Variants in CES1 observed in about 807,000 individuals in gnomAD.
The protein encoded by CES1 is carboxylesterase 1.
CES1 carries 50 observed loss-of-function variants against 53.0 expected under a neutral mutation model. That is an observed-to-expected ratio of 0.94 (90% CI 0.75 to 1.19). The LOEUF is 1.19. CES1 is among the 50% of genes most tolerant of loss of function. CES1 has a pLI of 0.00. For synonymous variants in CES1, 202 were observed against 210.1 expected (o/e 0.96, Z 0.33); for missense variants, 534 against 538.0 (o/e 0.99, Z 0.07).
rs145954736 is a variant in CES1 at position 55,824,932 on chromosome 16, T to C, written c.405+1219A>G. On this transcript the variant is annotated intron_variant, in intron 3 of 13. Transcript: ENST00000360526. Reference sequence around the variant, plus strand: ...TCCTGACTCCAGGTTCCCAGAGCCCTTGTTTCTCCCACAACTCTAATCCCT... The same window carrying C: ...TCCTGACTCCAGGTTCCCAGAGCCCCTGTTTCTCCCACAACTCTAATCCCT... Among the ~76,000 whole-genome samples, 386 of 152,324 alleles carry C rather than the reference T, an allele frequency of 2.5e-3. 1 individual carries two copies. Among genetic ancestry groups the C allele is most frequent in the African/African-American group, 9.0e-3 (372 of 41,562 alleles).
intron 2 of CES1, chr16:55,828,146 C>T (rs2032489836): frequency 5.9e-6 from 1 of 169,336 alleles, no homozygotes; most frequent in Non-Finnish European, 1.3e-5. Flanking sequence ...CTGTAGGGTC[C>T]TTCCTACCCT....
chr16:55,830,322 T>C (rs2032586875), intron 1 of CES1, among the ~76,000 whole-genome samples: 1 of 152,240 alleles, frequency 6.6e-6, no homozygotes, highest in South Asian at 2.1e-4. Context: ...CTTGGAAGCA[T>C]GTTTATCGAC....
At chr16:55,826,456 G>T (rs1303590223) in intron 2 of CES1, among the ~76,000 whole-genome samples, 161 bp from the exon 3 acceptor site, 1 of 152,164 alleles carries the variant, frequency 6.6e-6, no homozygotes, top group African/African-American at 2.4e-5. Flanking sequence ...GGCTTCAGGT[G>T]GGGGCGCTGG....
chr16:55,810,399 T>A lies in CES1; in HGVS notation c.1318+118A>T. On this transcript the variant is annotated intron_variant, in intron 11 of 13. Transcript: ENST00000360526. Reference sequence around the variant, plus strand: ...GCACCTCATCCCATGCCATATGGAATCAGCCTTTGAGGCCTGACCCTCAGC... The same window carrying A: ...GCACCTCATCCCATGCCATATGGAAACAGCCTTTGAGGCCTGACCCTCAGC... 3.0e-6 allele frequency: 4 copies of A among 1,329,434 alleles called. No individual in the cohort carries two copies. The South Asian group carries it at 4.7e-5, about 16-fold the overall frequency. The allele number at this position is 1,329,434 out of a possible 1,614,324, so 82.4% of individuals were successfully genotyped here.
intron 5 of CES1, 21 bp downstream of exon 5, chr16:55,821,347 C>A: frequency 6.2e-7 from 1 of 1,614,134 alleles, no homozygotes; most frequent in South Asian, 1.1e-5. Flanking sequence ...TGGGGTTGGG[C>A]CTGGTGACAG....
chr16:55,821,059 T>G (rs1833249), intron 5 of CES1, among the ~76,000 whole-genome samples: 115,038 of 150,868 alleles, frequency 0.76, 44,389 homozygotes, highest in Non-Finnish European at 0.82. Context: ...AAAATGAGTG[T>G]GAAGGAGAGA....
At chr16:55,831,495 G>A (rs1161411355) in intron 1 of CES1, among the ~76,000 whole-genome samples, 5 of 150,766 alleles carry the variant, frequency 3.3e-5, no homozygotes, top group Non-Finnish European at 7.4e-5. Flanking sequence ...AACATGGTGG[G>A]CACCTACTAT....
At chr16:55,831,850 A>T (rs1259718978) in intron 1 of CES1, among the ~76,000 whole-genome samples, 1 of 149,958 alleles carries the variant, frequency 6.7e-6, no homozygotes, top group Non-Finnish European at 1.5e-5. Context: ...GGGCAAGTAC[A>T]TTTCCCTGTG....
chr16:55,819,701 G>A, intron 6 of CES1, 62 bp from the exon 7 acceptor site: 2 of 1,395,428 alleles, frequency 1.4e-6, no homozygotes, highest in Admixed American at 1.7e-5. Flanking sequence ...CATCAAAGAG[G>A]AAAGTGGCAT....
chr16:55,821,200 A>T (rs2032174078), intron 5 of CES1, among the ~76,000 whole-genome samples, 168 bp downstream of exon 5: 1 of 151,580 alleles, frequency 6.6e-6, no homozygotes, highest in African/African-American at 2.4e-5. Context: ...GGGGCCAAGG[A>T]GAGCTGGTCT....
rs780109951 is a variant in CES1, at chr16:55,810,937, T to A, written c.1160A>T (p.Tyr387Phe). ...TTCCTAGACTCTTACAACAAGGGGA[T>A]AGGACTTCCACAGGAGTGACATGGC... Reference protein sequence around the residue: ...KTAMSLLWKSYPLVCIAKELI... With the variant: ...KTAMSLLWKSFPLVCIAKELI... Residue 387 changes from tyrosine (Y) to phenylalanine (F), a missense_variant, in exon 10 of 14, where the codon TAT becomes TTT. Physicochemically the swap from Tyr to Phe is conservative, Grantham distance 22. Coordinates refer to ENST00000360526, the MANE Select transcript of CES1 (RefSeq NM_001025195.2). 1.2e-6 allele frequency: 2 copies of A among 1,613,340 alleles called. No individual in the cohort carries two copies. The highest frequency in any genetic ancestry group is 2.7e-5 in the African/African-American group (2 of 74,738).
intron 5 of CES1, among the ~76,000 whole-genome samples, chr16:55,820,713 T>C (rs1409720999): frequency 1.3e-5 from 2 of 151,828 alleles, no homozygotes; most frequent in South Asian, 4.2e-4. Context: ...CAATCCCCAA[T>C]CCCAGCAGGA....
chr16:55,811,608 C>T (rs1333359084), intron 9 of CES1, among the ~76,000 whole-genome samples: 1 of 152,192 alleles, frequency 6.6e-6, no homozygotes, highest in Non-Finnish European at 1.5e-5. Context: ...TAGAATGACC[C>T]CAGTATCCTT....
At position 55,816,137 on chromosome 16, in the gene CES1, C is replaced by A. The variant is rs544119691; in HGVS notation, c.945+787G>T. ...ATCCTGCTACTTAAATTGAAGCCAC[C>A]CACAAACTCTATCCCCTAATGCTGC... On this transcript the variant is annotated intron_variant, in intron 8 of 13. Coordinates refer to ENST00000360526, the MANE Select transcript of CES1 (RefSeq NM_001025195.2). 3.9e-4 allele frequency among the ~76,000 whole-genome samples: 59 copies of A among 152,398 alleles called. No individual in the cohort carries two copies. The South Asian group carries it at 7.3e-3, about 19-fold the overall frequency.
chr16:55,825,047 G>A (rs114185121), intron 3 of CES1, among the ~76,000 whole-genome samples: 4 of 152,196 alleles, frequency 2.6e-5, no homozygotes, highest in Admixed American at 2.6e-4. Context: ...GCTGAAGGGA[G>A]GATATGTCTC....
chr16:55,817,228 C>T (rs1193299411), intron 7 of CES1, among the ~76,000 whole-genome samples: 1 of 152,136 alleles, frequency 6.6e-6, no homozygotes, highest in Non-Finnish European at 1.5e-5. Context: ...GGACATAAGT[C>T]TAGAGTGCTG....
intron 3 of CES1, among the ~76,000 whole-genome samples, chr16:55,824,141 G>GA (rs2068111298): frequency 1.3e-5 from 2 of 151,976 alleles, no homozygotes; most frequent in South Asian, 4.1e-4. Context: ...ATTGTCTCGA[G>GA]AAGCACACGT....
Position 55,813,018 on chromosome 16 carries a change from A to G in CES1, c.971T>C (p.Ile324Thr), listed in dbSNP as rs368170439. ...RESQPLLGTV[I>T]DGMLLLKTPE... is the part of the protein sequence containing the mutation. Reference sequence around the variant, plus strand: ...TGTTTTCAGCAGCAGCATCCCATCAATCACAGTGCCCAGAAGGGGTTGACT... The same window carrying G: ...TGTTTTCAGCAGCAGCATCCCATCAGTCACAGTGCCCAGAAGGGGTTGACT... Residue 324 changes from isoleucine to threonine, a missense_variant, in exon 9 of 14, where the codon ATT becomes ACT. This residue lies in a region of CES1 where 269 missense variants were observed against 206.6 expected (regional missense o/e 1.30). Transcript: ENST00000360526. 156 of 1,613,884 alleles carry G rather than the reference A, an allele frequency of 9.7e-5. No individual in the cohort carries two copies. The highest frequency in any genetic ancestry group is 1.3e-4 in the Non-Finnish European group (150 of 1,179,918).
chr16:55,825,577 C>T (rs1480258297), intron 3 of CES1, among the ~76,000 whole-genome samples: 36 of 152,254 alleles, frequency 2.4e-4, no homozygotes, highest in Non-Finnish European at 4.1e-4. Context: ...GTCCAGGCTC[C>T]GCCCCCAACA....
Sources: allele counts gnomAD v4.1 joint callset (sites outside exome capture counted in the v4.1 genomes callset), GRCh38; gene constraint gnomAD v4.1.1; regional missense constraint gnomAD v4.1.1; transcripts MANE v1.5; gene names NCBI Gene and HGNC (gene_info 2026-07-23, HGNC 2026-07-21).